RBFOX3: variants seen among roughly 807,000 people sequenced by gnomAD.
RBFOX3 encodes RNA binding protein fox-1 homolog 3.
A neutral mutation model predicts 48.7 loss-of-function variants in RBFOX3; 17 were observed. That is an observed-to-expected ratio of 0.35 (90% confidence interval 0.24 to 0.52). The LOEUF (loss-of-function observed/expected upper bound fraction) is 0.52, where lower values mean the gene tolerates loss of function less well. RBFOX3 is among the 20% of genes least tolerant of loss of function. The probability of loss-of-function intolerance (pLI) is 0.94; values close to 1 mark genes in which losing one functional copy is unlikely to be tolerated. For missense variants in RBFOX3, 382 were observed against 497.5 expected (o/e 0.77, Z 2.21); for synonymous variants, 212 against 209.5 (o/e 1.01, Z -0.10).
At chr17:79,346,525 A>G (rs2082949486) in intron 2 of RBFOX3, among the ~76,000 whole-genome samples, 1 of 152,216 alleles carries the variant, frequency 6.6e-6, no homozygotes, top group Non-Finnish European at 1.5e-5. Context: ...GAGCCCAGAT[A>G]TGCGATAGGA....
chr17:79,236,104 T>C (rs2061602786), intron 3 of RBFOX3, among the ~76,000 whole-genome samples: 1 of 152,084 alleles, frequency 6.6e-6, no homozygotes, highest in African/African-American at 2.4e-5. Context: ...TTCCTTTTTT[T>C]CCCCCACCTC....
At chr17:79,568,273 G>C (rs901926858) in intron 1 of RBFOX3, among the ~76,000 whole-genome samples, 2 of 152,182 alleles carry the variant, frequency 1.3e-5, no homozygotes, top group Non-Finnish European at 1.5e-5. Context: ...CATGTGCTGA[G>C]AGAACAGAGA....
chr17:79,432,576 T>C (rs1330607089), intron 2 of RBFOX3, among the ~76,000 whole-genome samples: 2 of 152,236 alleles, frequency 1.3e-5, no homozygotes, highest in Non-Finnish European at 2.9e-5. Context: ...GTTTGAAGTG[T>C]AAACAAAGGA....
chr17:79,350,467 G>A (rs1234093034), intron 2 of RBFOX3, among the ~76,000 whole-genome samples: 4 of 152,346 alleles, frequency 2.6e-5, no homozygotes, highest in Admixed American at 6.5e-5. Flanking sequence ...TCATTTCATA[G>A]TTATGGATTG....
At chr17:79,446,787 C>G (rs781791391) in intron 2 of RBFOX3, among the ~76,000 whole-genome samples, 3 of 113,030 alleles carry the variant, frequency 2.7e-5, no homozygotes, top group Non-Finnish European at 6.6e-5. Context: ...GGGGCAGTCA[C>G]GGAGCTGCAC....
chr17:79,112,585 C>G (rs770141498), intron 5 of RBFOX3, among the ~76,000 whole-genome samples: 10 of 152,142 alleles, frequency 6.6e-5, no homozygotes, highest in Non-Finnish European at 1.2e-4. Context: ...CCATCGACGC[C>G]ATCAGCCCCA....
At chr17:79,596,676 C>G (rs2093577779) in intron 1 of RBFOX3, among the ~76,000 whole-genome samples, 1 of 152,154 alleles carries the variant, frequency 6.6e-6, no homozygotes, top group South Asian at 2.1e-4. Flanking sequence ...AGCTGCAGCC[C>G]CTGCCCGCGA....
chr17:79,645,552 C>T, the RBFOX3 span, among the ~76,000 whole-genome samples: 2 of 152,214 alleles, frequency 1.3e-5, no homozygotes, highest in African/African-American at 2.4e-5. Context: ...TGCCCCTTCT[C>T]TCCATCCCCT....
rs182993610 is a variant in RBFOX3 at position 79,411,924 on chromosome 17, C to T, written c.-175+70530G>A. ...TGTGTATATGTATGTGTGGTGTATGCGAGTGTGTAGTATGTGTGCGTGTAT... is the reference window on the plus strand; with the variant it reads ...TGTGTATATGTATGTGTGGTGTATGTGAGTGTGTAGTATGTGTGCGTGTAT... On this transcript the variant is annotated intron_variant, in intron 2 of 14. Coordinates refer to ENST00000693108, the MANE Select transcript of RBFOX3 (RefSeq NM_001350451.2). Among the ~76,000 whole-genome samples, 372 of 151,484 alleles carry T rather than the reference C, an allele frequency of 2.5e-3. 3 individuals carry two copies. The highest frequency in any genetic ancestry group is 8.1e-3 in the African/African-American group (334 of 41,264).
chr17:79,631,262 C>A, the RBFOX3 span, among the ~76,000 whole-genome samples: 1 of 152,064 alleles, frequency 6.6e-6, no homozygotes, highest in Non-Finnish European at 1.5e-5. Context: ...CTGCCTCGGC[C>A]ATCTCAAGAA....
chr17:79,388,001 C>CATGTGT (rs144305568), intron 2 of RBFOX3, among the ~76,000 whole-genome samples: 4 of 151,254 alleles, frequency 2.6e-5, no homozygotes, highest in Non-Finnish European at 5.9e-5. Flanking sequence ...TGAATGTGTA[C>CATGTGT]GTGTGTGTGT....
chr17:79,519,722 G>A (rs1035123783), intron 1 of RBFOX3, among the ~76,000 whole-genome samples: 3 of 152,198 alleles, frequency 2.0e-5, no homozygotes, highest in African/African-American at 4.8e-5. Flanking sequence ...GACCCTTGGA[G>A]TGGCTGGAGA....
chr17:79,475,910 T>C (rs1350610568), intron 2 of RBFOX3, among the ~76,000 whole-genome samples: 1 of 152,230 alleles, frequency 6.6e-6, no homozygotes, highest in African/African-American at 2.4e-5. Flanking sequence ...TTTTGGATCC[T>C]GGCCTCCAGG....
intron 5 of RBFOX3, among the ~76,000 whole-genome samples, chr17:79,112,853 G>A (rs191252494): frequency 5.3e-5 from 8 of 149,620 alleles, no homozygotes; most frequent in South Asian, 2.1e-4. Context: ...TCCAGGGAGC[G>A]TCCAGGGGGT....
chr17:79,515,145 G>T (rs1286549336), intron 1 of RBFOX3, among the ~76,000 whole-genome samples: 1 of 152,196 alleles, frequency 6.6e-6, no homozygotes, highest in East Asian at 1.9e-4. Flanking sequence ...GAACTTGGCA[G>T]AAGGGCAGAA....
chr17:79,139,614 C>T (rs904183519), intron 4 of RBFOX3, among the ~76,000 whole-genome samples: 3 of 152,216 alleles, frequency 2.0e-5, no homozygotes, highest in Non-Finnish European at 4.4e-5. Flanking sequence ...GGATGCACTG[C>T]CGGCCAGACT....
In RBFOX3 at chr17:79,252,218, A is replaced by G. The variant is rs11077417; in HGVS notation, c.-73-16413T>C. On this transcript the variant is annotated intron_variant, in intron 3 of 14. Coordinates refer to ENST00000693108, the MANE Select transcript of RBFOX3 (RefSeq NM_001350451.2). This position sits in a 1 kb window ranked among gnomAD's most constrained non-coding sequence, Gnocchi z 4.0. ...CTTTACTTTCTCCCCAGGCAACTTCAGAGGTCTGGCTTCAACCCGCACCCT... is the reference window on the plus strand; with the variant it reads ...CTTTACTTTCTCCCCAGGCAACTTCGGAGGTCTGGCTTCAACCCGCACCCT... Among the ~76,000 whole-genome samples the G allele has an allele frequency of 0.6, 90,664 of 151,946 alleles. 29,502 individuals are homozygous for G. Among genetic ancestry groups the G allele is most frequent in the Middle Eastern group, 0.82 (240 of 294 alleles).
chr17:79,450,852 C>CA (rs1167746775), intron 2 of RBFOX3, among the ~76,000 whole-genome samples: 1 of 152,122 alleles, frequency 6.6e-6, no homozygotes. Flanking sequence ...AGACTAGTCC[C>CA]AAAAGATATA....
intron 3 of RBFOX3, among the ~76,000 whole-genome samples, chr17:79,305,364 C>G (rs908690302): frequency 5.5e-4 from 84 of 152,320 alleles, no homozygotes; most frequent in African/African-American, 1.9e-3. Context: ...CTCCCCAGAA[C>G]AGAATCAGAT....
Sources: gnomAD v4.1 joint callset for allele counts (sites outside exome capture counted in the v4.1 genomes callset) on GRCh38, gnomAD v4.1.1 for gene constraint, Gnocchi (gnomAD v3.1) non-coding constraint, MANE v1.5 for transcripts, NCBI Gene and HGNC (gene_info 2026-07-23, HGNC 2026-07-21) for gene names.